TRAM2: variants seen among roughly 807,000 people sequenced by gnomAD.
The protein encoded by TRAM2 is translocating chain-associated membrane protein 2.
TRAM2 carries 12 observed loss-of-function variants against 51.0 expected under a neutral mutation model. That is an observed-to-expected ratio of 0.24 (90% CI 0.15 to 0.38). The LOEUF (loss-of-function observed/expected upper bound fraction) is 0.38, where lower values mean the gene tolerates loss of function less well. Ranked by LOEUF, TRAM2 falls within the 10% of genes least tolerant of loss-of-function variation. The pLI, the probability that TRAM2 is intolerant of heterozygous loss-of-function variation, is 1.00. For missense variants in TRAM2, 361 were observed against 462.0 expected, an observed-to-expected ratio of 0.78 and a Z score of 2.00; for synonymous variants, 175 against 179.4, an observed-to-expected ratio of 0.98 and a Z score of 0.20.
chr6:52,540,639 C>G (rs1479094535), intron 1 of TRAM2, among the ~76,000 whole-genome samples: 1 of 152,234 alleles, frequency 6.6e-6, no homozygotes, highest in Non-Finnish European at 1.5e-5. Context: ...CGACCTCAGA[C>G]TAGGGATGAA....
intron 1 of TRAM2, among the ~76,000 whole-genome samples, chr6:52,551,889 A>AT (rs994869680): frequency 1.3e-5 from 2 of 152,134 alleles, no homozygotes; most frequent in Admixed American, 6.5e-5. Flanking sequence ...ATGTTCATTT[A>AT]TTTTTTTCCT....
At chr6:52,541,316 T>C (rs1484973296) in intron 1 of TRAM2, among the ~76,000 whole-genome samples, 2 of 151,966 alleles carry the variant, frequency 1.3e-5, no homozygotes, top group African/African-American at 4.9e-5. Context: ...TCTCATGTCA[T>C]CCCCACAATG....
intron 2 of TRAM2, 27 bp from the exon 3 acceptor site, chr6:52,516,764 G>T: frequency 6.4e-7 from 1 of 1,556,734 alleles, no homozygotes; most frequent in Non-Finnish European, 8.9e-7. Flanking sequence ...AGTCCCATCA[G>T]CATCCCTGGG....
chr6:52,516,006 C>T lies in TRAM2; in HGVS notation c.411G>A (p.Thr137=). 1 of 1,613,990 alleles carries T rather than the reference C, an allele frequency of 6.2e-7. No individual in the cohort carries two copies. Among genetic ancestry groups the T allele is most frequent in the Non-Finnish European group, 8.5e-7 (1 of 1,179,884 alleles). ...TTCAGCAGTCCTGAGAATGGCTCAC[C>T]GTCACCACCACGTAGAAGCACCAAA... ...SVIWCFYVVV[T]EGYLTNPRSL... Residue 137 remains threonine (T), a splice_region_variant and synonymous_variant, in exon 4 of 11, where the codon ACG becomes ACA. Coordinates refer to ENST00000182527, the MANE Select transcript of TRAM2 (RefSeq NM_012288.4).
chr6:52,522,165 T>C (rs903627507), intron 2 of TRAM2, among the ~76,000 whole-genome samples: 1 of 152,264 alleles, frequency 6.6e-6, no homozygotes, highest in Non-Finnish European at 1.5e-5. Context: ...TTAAGAGATA[T>C]CCACTGACCT....
intron 1 of TRAM2, among the ~76,000 whole-genome samples, chr6:52,571,090 A>G (rs1767673386): frequency 6.6e-6 from 1 of 152,006 alleles, no homozygotes; most frequent in South Asian, 2.1e-4. Flanking sequence ...CCTTTCTTTA[A>G]CCATTAGGTA....
chr6:52,525,149 G>C (rs1045186031), intron 2 of TRAM2: 1 of 152,278 alleles, frequency 6.6e-6, no homozygotes, highest in Non-Finnish European at 1.5e-5. Context: ...CTAGGCAGCA[G>C]TGGGGCCAGG....
chr6:52,573,758 G>GC (rs1373965534), intron 1 of TRAM2, among the ~76,000 whole-genome samples: 1 of 152,162 alleles, frequency 6.6e-6, no homozygotes, highest in Non-Finnish European at 1.5e-5. Context: ...GGAAACAGAA[G>GC]CCCCCTGAAT....
At chr6:52,557,679 A>C (rs1046108011) in intron 1 of TRAM2, among the ~76,000 whole-genome samples, 10 of 152,134 alleles carry the variant, frequency 6.6e-5, no homozygotes, top group African/African-American at 2.4e-4. Flanking sequence ...TCTGCAGCCT[A>C]TTTTTCCAGG....
At position 52,506,077 on chromosome 6, in the gene TRAM2, T is replaced by C; in HGVS notation, c.686A>G (p.His229Arg). The C allele has an allele frequency of 6.2e-7, 1 of 1,614,190 alleles. No individual in the cohort carries two copies. Residue 229 changes from histidine to arginine, a missense_variant, in exon 8 of 11, where the codon CAC becomes CGC. His to Arg is a conservative substitution (Grantham distance 29). Transcript: ENST00000182527. ...TGCAAAGTAGAAGAGTCTAGCCGTG[T>C]GGAAGAGGAACTCAGTTGAGTACTG... ...LLQYSTEFLF[H>R]TARLFYFADE...
At chr6:52,503,598 T>G (rs918154073) in intron 10 of TRAM2, among the ~76,000 whole-genome samples, 1 of 152,150 alleles carries the variant, frequency 6.6e-6, no homozygotes, top group Non-Finnish European at 1.5e-5. Flanking sequence ...AGGCTGGGGC[T>G]AGATACTCGC....
At chr6:52,514,552 T>C (rs1431893273) in intron 4 of TRAM2, among the ~76,000 whole-genome samples, 1 of 152,190 alleles carries the variant, frequency 6.6e-6, no homozygotes, top group African/African-American at 2.4e-5. Flanking sequence ...TTCAAATCCT[T>C]GAAGAACTGA....
rs1293772622 is a variant in TRAM2, at chr6:52,497,647, T to A, written c.*5550A>T. On this transcript the variant is annotated 3_prime_UTR_variant, in exon 11 of 11. Coordinates refer to ENST00000182527, the MANE Select transcript of TRAM2 (RefSeq NM_012288.4). ...CCTTGAGTTCCTTGTTGAAATTTGG[T>A]CCATATGAACAGGCTAGAGTAGAAA... 2.6e-5 allele frequency: 4 copies of A among 152,160 alleles called. No individual in the cohort carries two copies. Among genetic ancestry groups the A allele is most frequent in the African/African-American group, 4.9e-5 (2 of 41,224 alleles). 9.4% of individuals were successfully genotyped at this position (152,160 alleles called of 1,614,324 possible).
intron 7 of TRAM2, 33 bp downstream of exon 7, chr6:52,507,520 A>C: frequency 6.2e-7 from 1 of 1,611,768 alleles, no homozygotes; most frequent in Non-Finnish European, 8.5e-7. Context: ...TAAAAGGGCA[A>C]GGAAATCTGG....
At chr6:52,513,958 T>C (rs1373793861) in intron 4 of TRAM2, among the ~76,000 whole-genome samples, 1 of 152,212 alleles carries the variant, frequency 6.6e-6, no homozygotes, top group Non-Finnish European at 1.5e-5. Context: ...TTCTCAATCT[T>C]GGCACTATGG....
rs550282967 is a variant in TRAM2, at chr6:52,542,433, C to CT, written c.121-6588dup. 2.0e-4 allele frequency among the ~76,000 whole-genome samples: 30 copies of CT among 152,246 alleles called. 1 individual carries two copies. In the South Asian group the frequency reaches 5.8e-3, roughly 29 times the overall value. On this transcript the variant is annotated intron_variant, in intron 1 of 10. Transcript: ENST00000182527. ...GGCAGATACAGCTGAAACAAAGATG[C>CT]TTTTCACTTGTGCTTTCTGAAAATC...
chr6:52,571,894 A>C (rs2268706), intron 1 of TRAM2, among the ~76,000 whole-genome samples: 20,472 of 152,234 alleles, frequency 0.13, 1,973 homozygotes, highest in East Asian at 0.51. Flanking sequence ...TTAAGTGCCC[A>C]TGTGCCAGGT....
chr6:52,513,224 G>C lies in TRAM2; in HGVS notation c.411+2782C>G, dbSNP rs80310594. On this transcript the variant is annotated intron_variant, in intron 4 of 10. Coordinates refer to ENST00000182527, the MANE Select transcript of TRAM2 (RefSeq NM_012288.4). ...CTGGTATTTCTGGTGGGAGGAATTT[G>C]CTTTTTTGAACTTCTCTATATTGTT... Among the ~76,000 whole-genome samples, 697 of 152,216 alleles carry C rather than the reference G, an allele frequency of 4.6e-3. 12 individuals are homozygous for C. In the South Asian group the frequency reaches 0.065, roughly 14 times the overall value.
chr6:52,507,370 A>C (rs1766368771), intron 7 of TRAM2, among the ~76,000 whole-genome samples, 183 bp downstream of exon 7: 2 of 152,274 alleles, frequency 1.3e-5, no homozygotes. Context: ...CTGTCTCTTC[A>C]GAATGAGAAT....
Sources: allele counts gnomAD v4.1 joint callset (sites outside exome capture counted in the v4.1 genomes callset), GRCh38; gene constraint gnomAD v4.1.1; transcripts MANE v1.5; gene names NCBI Gene and HGNC (gene_info 2026-07-23, HGNC 2026-07-21).